SND1: variants seen among roughly 807,000 people sequenced by gnomAD.
The protein encoded by SND1 is staphylococcal nuclease domain-containing protein 1.
A neutral mutation model predicts 121.7 loss-of-function variants in SND1; 38 were observed. The observed-to-expected ratio is 0.31, with a 90% CI of 0.24 to 0.41. SND1 has a LOEUF of 0.41. SND1 is among the 10% of genes least tolerant of loss of function. SND1 has a pLI of 1.00. For synonymous variants in SND1, 401 were observed against 447.4 expected (o/e 0.90, Z 1.31); for missense variants, 868 against 1,184.6 (o/e 0.73, Z 3.92).
intron 16 of SND1, among the ~76,000 whole-genome samples, chr7:128,043,863 T>TACAC (rs10591985): frequency 2.5e-4 from 38 of 149,676 alleles, no homozygotes; most frequent in Non-Finnish European, 3.7e-4. Context: ...TATACACATA[T>TACAC]ACACACACAC....
At chr7:128,048,402 T>C (rs1342085068) in intron 16 of SND1, among the ~76,000 whole-genome samples, 1 of 152,182 alleles carries the variant, frequency 6.6e-6, no homozygotes, top group African/African-American at 2.4e-5. Flanking sequence ...TTGTGGGCAT[T>C]TGTGGGCATG....
intron 16 of SND1, among the ~76,000 whole-genome samples, chr7:128,049,609 A>T (rs1302214812): frequency 2.0e-5 from 3 of 152,178 alleles, no homozygotes; most frequent in Non-Finnish European, 4.4e-5. Flanking sequence ...GTGCAGCAGG[A>T]TGGCATTATG....
intron 1 of SND1, among the ~76,000 whole-genome samples, chr7:127,663,189 C>A (rs754562364): frequency 1.3e-5 from 2 of 151,906 alleles, no homozygotes; most frequent in Non-Finnish European, 2.9e-5. Context: ...GCCCAGCCTC[C>A]TGTATGCTTT....
At chr7:127,782,240 A>G (rs569133363) in intron 10 of SND1, among the ~76,000 whole-genome samples, 2 of 152,196 alleles carry the variant, frequency 1.3e-5, no homozygotes, top group Non-Finnish European at 2.9e-5. Flanking sequence ...GGATGATCAC[A>G]GTTGAGGTCT....
At chr7:127,798,939 C>T (rs10274574) in intron 10 of SND1, among the ~76,000 whole-genome samples, 45,877 of 151,094 alleles carry the variant, frequency 0.3, 7,611 homozygotes, top group African/African-American at 0.45. Context: ...CCCAGCTACT[C>T]GGCAGGCTGA....
intron 10 of SND1, among the ~76,000 whole-genome samples, chr7:127,764,859 C>T (rs998042423): frequency 2.6e-5 from 4 of 152,076 alleles, no homozygotes; most frequent in Non-Finnish European, 4.4e-5. Flanking sequence ...TGAAGTCGAT[C>T]GAGGTAAATT....
intron 1 of SND1, among the ~76,000 whole-genome samples, chr7:127,663,557 T>C (rs1030695057): frequency 6.6e-6 from 1 of 152,132 alleles, no homozygotes; most frequent in Non-Finnish European, 1.5e-5. Flanking sequence ...TTTTGTATTT[T>C]AGTAGAGATG....
At chr7:128,034,742 C>G (rs766366871) in intron 16 of SND1, among the ~76,000 whole-genome samples, 1 of 152,324 alleles carries the variant, frequency 6.6e-6, no homozygotes, top group East Asian at 1.9e-4. Context: ...TGCTTTGCCC[C>G]CTGTAAGCCA....
intron 10 of SND1, among the ~76,000 whole-genome samples, chr7:127,732,762 A>C (rs1796702397): frequency 6.6e-6 from 1 of 152,224 alleles, no homozygotes; most frequent in Non-Finnish European, 1.5e-5. Context: ...AGTTAAGTAA[A>C]TTTATATCTT....
intron 16 of SND1, among the ~76,000 whole-genome samples, chr7:128,062,633 G>T (rs1416558510): frequency 1.3e-5 from 2 of 152,210 alleles, no homozygotes; most frequent in East Asian, 3.9e-4. Flanking sequence ...CTTCTCTCTG[G>T]TGCCTTCTTC....
intron 22 of SND1, among the ~76,000 whole-genome samples, chr7:128,090,182 C>T (rs1032180804): frequency 2.0e-5 from 3 of 152,184 alleles, no homozygotes; most frequent in African/African-American, 7.2e-5. Context: ...GTCCTGCCTC[C>T]ACTGTTCTGA....
At chr7:127,743,914 C>T (rs1171719391) in intron 10 of SND1, among the ~76,000 whole-genome samples, 1 of 152,124 alleles carries the variant, frequency 6.6e-6, no homozygotes, top group Non-Finnish European at 1.5e-5. Context: ...GCTTCCCAGG[C>T]CTTCCACCTG....
chr7:127,832,141 GC>G (rs1187418147), intron 11 of SND1, among the ~76,000 whole-genome samples: 2 of 152,192 alleles, frequency 1.3e-5, no homozygotes, highest in Non-Finnish European at 2.9e-5. Flanking sequence ...CAAGGTTTCT[GC>G]CAACTTATAA....
At chr7:128,054,208 C>T (rs1793098118) in intron 16 of SND1, among the ~76,000 whole-genome samples, 1 of 152,340 alleles carries the variant, frequency 6.6e-6, no homozygotes, top group South Asian at 2.1e-4. Flanking sequence ...GTGCCTTCTC[C>T]AGGAGACAGC....
chr7:128,028,925 G>A lies in SND1; in HGVS notation c.1779+37869G>A, dbSNP rs151179120. On this transcript the variant is annotated intron_variant, in intron 16 of 23. Coordinates refer to ENST00000354725, the MANE Select transcript of SND1 (RefSeq NM_014390.4). Reference sequence around the variant, plus strand: ...CGGATGTTGCTGCTGGGATGTCTTCGTCCACCTGGATTATCTCAACAGTCC... The same window carrying A: ...CGGATGTTGCTGCTGGGATGTCTTCATCCACCTGGATTATCTCAACAGTCC... The A allele has an allele frequency of 3.5e-5, 56 of 1,611,000 alleles. No individual in the cohort carries two copies. In the African/African-American group the frequency reaches 4.8e-4, roughly 14 times the overall value.
chr7:127,741,999 C>T (rs1245763857), intron 10 of SND1, among the ~76,000 whole-genome samples: 1 of 152,114 alleles, frequency 6.6e-6, no homozygotes, highest in African/African-American at 2.4e-5. Context: ...TTCTGGTAAC[C>T]GAGCATTAAG....
At chr7:128,069,826 A>C (rs772142682) in intron 16 of SND1, among the ~76,000 whole-genome samples, 5 of 152,208 alleles carry the variant, frequency 3.3e-5, no homozygotes, top group Non-Finnish European at 5.9e-5. Flanking sequence ...AGGTCTAGAT[A>C]GTCTGGAGCC....
chr7:127,707,978 A>T (rs780002506), intron 9 of SND1, among the ~76,000 whole-genome samples: 2 of 152,152 alleles, frequency 1.3e-5, no homozygotes, highest in Non-Finnish European at 2.9e-5. Context: ...ATGGTCCCTG[A>T]CTTATGCTGG....
chr7:127,912,101 C>T (rs1343439648), intron 14 of SND1, among the ~76,000 whole-genome samples: 2 of 152,154 alleles, frequency 1.3e-5, no homozygotes, highest in African/African-American at 4.8e-5. Flanking sequence ...AGGCATAAGC[C>T]ACAACACCTG....
Sources: allele counts gnomAD v4.1 joint callset (sites outside exome capture counted in the v4.1 genomes callset), GRCh38; gene constraint gnomAD v4.1.1; transcripts MANE v1.5; gene names NCBI Gene and HGNC (gene_info 2026-07-23, HGNC 2026-07-21).